The following VWC2 variants were observed in gnomAD, a reference collection of about 807,000 sequenced individuals.
The protein encoded by VWC2 is von Willebrand factor C domain containing 2.
A neutral mutation model predicts 29.8 loss-of-function variants in VWC2; 14 were observed. The observed-to-expected ratio is 0.47, with a 90% CI of 0.31 to 0.74. The LOEUF (loss-of-function observed/expected upper bound fraction) is 0.74, where lower values mean the gene tolerates loss of function less well. VWC2 is among the 30% of genes least tolerant of loss of function. The pLI is 0.05. For synonymous variants in VWC2, 213 were observed against 199.0 expected (o/e 1.07, Z -0.59); for missense variants, 457 against 459.8 (o/e 0.99, Z 0.05).
chr7:49,800,509 C>T (rs900974292), intron 2 of VWC2, among the ~76,000 whole-genome samples: 5 of 152,150 alleles, frequency 3.3e-5, no homozygotes, highest in Admixed American at 6.5e-5. Flanking sequence ...GACCCGCTTG[C>T]TCCTTGCTGA....
chr7:49,908,599 C>A (rs947845933), intron 3 of VWC2, among the ~76,000 whole-genome samples: 1 of 151,928 alleles, frequency 6.6e-6, no homozygotes, highest in Non-Finnish European at 1.5e-5. Context: ...TCTGTGCCCA[C>A]CAAGAAGGCC....
intron 3 of VWC2, among the ~76,000 whole-genome samples, chr7:49,854,142 CT>C: frequency 6.6e-6 from 1 of 152,202 alleles, no homozygotes; most frequent in African/African-American, 2.4e-5. Context: ...GGTTCCAAGT[CT>C]TTGCTATTGT....
intron 2 of VWC2, among the ~76,000 whole-genome samples, chr7:49,799,236 C>A (rs1196985637): frequency 6.6e-6 from 1 of 152,178 alleles, no homozygotes; most frequent in Non-Finnish European, 1.5e-5. Flanking sequence ...AAGGTGGGTT[C>A]ATGGGTTAGG....
intron 3 of VWC2, among the ~76,000 whole-genome samples, chr7:49,868,811 G>A (rs1212410296): frequency 6.6e-6 from 1 of 152,108 alleles, no homozygotes; most frequent in Non-Finnish European, 1.5e-5. Flanking sequence ...TAGAGACAAG[G>A]TTTCACCATG....
intron 3 of VWC2, among the ~76,000 whole-genome samples, chr7:49,830,355 G>T (rs1295982853): frequency 1.3e-5 from 2 of 152,140 alleles, no homozygotes; most frequent in Non-Finnish European, 2.9e-5. Flanking sequence ...GTTGTCAGAA[G>T]TCTCTGGTTT....
At chr7:49,792,630 C>T (rs1401792416) in intron 2 of VWC2, among the ~76,000 whole-genome samples, 1 of 152,222 alleles carries the variant, frequency 6.6e-6, no homozygotes, top group Non-Finnish European at 1.5e-5. Context: ...ACTGTCTTTC[C>T]TCCTGTTTCC....
At chr7:49,850,884 C>T (rs946854554) in intron 3 of VWC2, among the ~76,000 whole-genome samples, 2 of 152,218 alleles carry the variant, frequency 1.3e-5, no homozygotes, top group Non-Finnish European at 2.9e-5. Context: ...CTCAGGATGA[C>T]TCCCTGTGGA....
chr7:49,775,545 C>A lies in VWC2; in HGVS notation c.110C>A (p.Ala37Asp). The A allele has an allele frequency of 6.4e-7, 1 of 1,562,526 alleles. No homozygotes were observed. The highest frequency in any genetic ancestry group is 2.4e-5 in the East Asian group (1 of 40,990). ...CSPSIPLEKL[A>D]QAPEQPGQEK... ...CCGAGCATCCCGCTGGAGAAGCTGG[C>A]CCAGGCACCAGAGCAGCCGGGCCAG... The change falls in exon 2 of 4, where the codon GCC (alanine) becomes GAC (aspartate). Residue 37 changes from alanine to aspartate, a missense_variant. By Grantham distance (126) the Ala-to-Asp change is moderately radical. Around this residue, in one of 2 missense-constraint regions of VWC2, gnomAD observed 272 missense variants for 202.7 expected, o/e 1.34. Coordinates refer to ENST00000340652, the MANE Select transcript of VWC2 (RefSeq NM_198570.5).
chr7:49,811,534 A>G (rs1382456253), intron 3 of VWC2, among the ~76,000 whole-genome samples: 1 of 152,234 alleles, frequency 6.6e-6, no homozygotes, highest in Non-Finnish European at 1.5e-5. Flanking sequence ...CCAGCCACAC[A>G]GAACTGTGAG....
At chr7:49,831,522 G>A (rs983010306) in intron 3 of VWC2, among the ~76,000 whole-genome samples, 6 of 152,146 alleles carry the variant, frequency 3.9e-5, no homozygotes, top group Admixed American at 6.5e-5. Flanking sequence ...ATGATAGGGC[G>A]CACATGGGTA....
rs1278251761 is a variant in VWC2, at chr7:49,918,440, A to G, written c.*6255A>G. On this transcript the variant is annotated 3_prime_UTR_variant, in exon 4 of 4. Transcript: ENST00000340652. ...TAGAATATCAATCTTGATACTTGTC[A>G]AAGTAAATAGTAGCTCGTCACAAAA... 2 of 152,222 alleles carry G rather than the reference A, an allele frequency of 1.3e-5. No individual in the cohort carries two copies. The highest frequency in any genetic ancestry group is 4.8e-5 in the African/African-American group (2 of 41,472). 9.4% of individuals were successfully genotyped at this position (152,222 alleles called of 1,614,324 possible).
chr7:49,776,651 C>T (rs1788061241), intron 2 of VWC2, among the ~76,000 whole-genome samples: 2 of 152,124 alleles, frequency 1.3e-5, no homozygotes, highest in South Asian at 2.1e-4. Context: ...CACTGGGTGC[C>T]AAATCATAGT....
At position 49,913,833 on chromosome 7, in the gene VWC2, C is replaced by T. The variant is rs569277800; in HGVS notation, c.*1648C>T. ...ATTCAAGAAAAATGGATACATCTAT[C>T]ATAATTGAAAAATTAAACTATTGTG... On this transcript the variant is annotated 3_prime_UTR_variant, in exon 4 of 4. Coordinates refer to ENST00000340652, the MANE Select transcript of VWC2 (RefSeq NM_198570.5). 49 of 152,178 alleles carry T rather than the reference C, an allele frequency of 3.2e-4. 1 individual carries two copies. Among genetic ancestry groups the T allele is most frequent in the Admixed American group, 3.0e-3 (46 of 15,274 alleles). 9.4% of individuals were successfully genotyped at this position (152,178 alleles called of 1,614,324 possible).
intron 3 of VWC2, among the ~76,000 whole-genome samples, chr7:49,860,155 G>A (rs1054187287): frequency 3.0e-4 from 45 of 151,866 alleles, no homozygotes; most frequent in African/African-American, 9.7e-4. Context: ...CAATCCAGTG[G>A]CATTGTACAT....
At chr7:49,822,594 A>G (rs1789287404) in intron 3 of VWC2, among the ~76,000 whole-genome samples, 1 of 152,074 alleles carries the variant, frequency 6.6e-6, no homozygotes. Flanking sequence ...ACCCACCACC[A>G]CACCCAGCTA....
At chr7:49,799,352 C>T (rs1018081081) in intron 2 of VWC2, among the ~76,000 whole-genome samples, 2 of 152,218 alleles carry the variant, frequency 1.3e-5, no homozygotes, top group African/African-American at 2.4e-5. Flanking sequence ...GTAGGGGTCC[C>T]GGAATGTCCC....
intron 3 of VWC2, among the ~76,000 whole-genome samples, chr7:49,909,553 G>A (rs766568382): frequency 1.5e-4 from 23 of 151,948 alleles, no homozygotes; most frequent in Non-Finnish European, 3.1e-4. Flanking sequence ...GGTGGGGAGG[G>A]GTCTTGAATT....
intron 3 of VWC2, among the ~76,000 whole-genome samples, chr7:49,898,920 G>A (rs1792549371): frequency 6.6e-6 from 1 of 151,972 alleles, no homozygotes; most frequent in African/African-American, 2.4e-5. Context: ...GCATAAAAAA[G>A]TTGAAGACAA....
intron 3 of VWC2, among the ~76,000 whole-genome samples, chr7:49,860,826 T>A (rs540581864): frequency 6.6e-6 from 1 of 152,278 alleles, no homozygotes; most frequent in East Asian, 1.9e-4. Context: ...ACACCAAGGA[T>A]GTGTGCACAG....
Sources: allele counts gnomAD v4.1 joint callset (sites outside exome capture counted in the v4.1 genomes callset), GRCh38; gene constraint gnomAD v4.1.1; regional missense constraint gnomAD v4.1.1; transcripts MANE v1.5; gene names NCBI Gene and HGNC (gene_info 2026-07-23, HGNC 2026-07-21).